C1orf87: variants seen among roughly 807,000 people sequenced by gnomAD.
C1orf87 encodes the protein uncharacterized protein C1orf87.
C1orf87 carries 58 observed loss-of-function variants against 60.5 expected under a neutral mutation model. That is an observed-to-expected ratio of 0.96 (90% CI 0.78 to 1.19). The LOEUF is 1.19. Ranked by LOEUF, C1orf87 falls within the 50% of genes most tolerant of loss-of-function variation. The probability of loss-of-function intolerance (pLI) is 0.00; values close to 1 mark genes in which losing one functional copy is unlikely to be tolerated. For missense variants in C1orf87, 673 were observed against 638.6 expected (o/e 1.05, Z -0.58); for synonymous variants, 236 against 227.4 (o/e 1.04, Z -0.34).
intron 3 of C1orf87, among the ~76,000 whole-genome samples, chr1:60,051,933 T>C (rs1190736601): frequency 6.6e-6 from 1 of 152,212 alleles, no homozygotes; most frequent in Non-Finnish European, 1.5e-5. Flanking sequence ...GACCATTCTG[T>C]GAGACACAGA....
intron 3 of C1orf87, among the ~76,000 whole-genome samples, chr1:60,052,330 C>G (rs1440923116): frequency 7.5e-6 from 1 of 132,632 alleles, no homozygotes; most frequent in Non-Finnish European, 1.7e-5. Flanking sequence ...ATGATATAAA[C>G]AATATGTATT....
chr1:60,033,958 GCAAT>G, intron 6 of C1orf87, among the ~76,000 whole-genome samples: 2 of 152,192 alleles, frequency 1.3e-5, no homozygotes, highest in South Asian at 4.1e-4. Context: ...CAAAAAATAA[GCAAT>G]CATAGTAGTT....
chr1:60,001,010 G>T, intron 10 of C1orf87, 67 bp downstream of exon 10: 1 of 1,282,840 alleles, frequency 7.8e-7, no homozygotes, highest in Non-Finnish European at 1.1e-6. Context: ...GCCCCATCCA[G>T]CATCAGAGAA....
intron 3 of C1orf87, among the ~76,000 whole-genome samples, chr1:60,052,156 T>A (rs981817730): frequency 1.3e-5 from 2 of 152,200 alleles, no homozygotes; most frequent in Non-Finnish European, 2.9e-5. Flanking sequence ...CCCAATAAAC[T>A]GTGATAATTA....
rs773116761 is a variant in C1orf87, at chr1:60,055,246, T to A, written c.300A>T (p.Lys100Asn). 20 of 1,614,008 alleles carry A rather than the reference T, an allele frequency of 1.2e-5. No homozygotes were observed. The African/African-American group carries it at 2.0e-4, about 16-fold the overall frequency. Reference protein sequence around the residue: ...ENNQKSENNQKLLTGANSSRF... With the variant: ...ENNQKSENNQNLLTGANSSRF... Reference sequence around the variant, plus strand: ...TGCTACTGTTTGCCCCTGTTAGTAGTTTCTGGTTGTTTTCTGATTTCTGGT... The same window carrying A: ...TGCTACTGTTTGCCCCTGTTAGTAGATTCTGGTTGTTTTCTGATTTCTGGT... The change falls in exon 3 of 12, where the codon AAA becomes AAT. Residue 100 changes from lysine (K) to asparagine (N), a missense_variant. Physicochemically the swap from Lys to Asn is moderately conservative, Grantham distance 94 (BLOSUM62 0). Coordinates refer to ENST00000371201, the MANE Select transcript of C1orf87 (RefSeq NM_152377.3).
chr1:60,000,930 A>G, intron 10 of C1orf87, 147 bp downstream of exon 10: 1 of 646,292 alleles, frequency 1.5e-6, no homozygotes, highest in Non-Finnish European at 2.6e-6. Context: ...TCTTTGCCCA[A>G]GGAGAGTCTT....
chr1:60,049,827 A>T (rs956109188), intron 3 of C1orf87, among the ~76,000 whole-genome samples: 8 of 152,130 alleles, frequency 5.3e-5, no homozygotes, highest in African/African-American at 1.9e-4. Context: ...ACTTCTCTAT[A>T]GCTATCCAAT....
intron 8 of C1orf87, among the ~76,000 whole-genome samples, chr1:60,013,542 G>A (rs1645103931): frequency 1.3e-5 from 2 of 151,930 alleles, no homozygotes; most frequent in African/African-American, 4.8e-5. Context: ...TTTCAGTAGA[G>A]GACATGGCTT....
At position 60,001,082 on chromosome 1, in the gene C1orf87, G is replaced by A. The variant is rs1354609348; in HGVS notation, c.1267C>T (p.His423Tyr). 1.9e-6 allele frequency: 3 copies of A among 1,607,822 alleles called. No individual in the cohort carries two copies. Among genetic ancestry groups the A allele is most frequent in the Non-Finnish European group, 2.6e-6 (3 of 1,176,216 alleles). ...TATATACCCCAGGTGCATACCATAT[G>A]TTCAGTTTTGCTTTGAGACATCTCG... ...VPEMSQSKTE[H>Y]MKTPEEELQP... The change falls in exon 10 of 12, where the codon CAT becomes TAT. Residue 423 changes from histidine (H) to tyrosine (Y), a missense_variant. Transcript: ENST00000371201.
chr1:60,057,795 A>C (rs1645467608), intron 2 of C1orf87, among the ~76,000 whole-genome samples: 1 of 152,172 alleles, frequency 6.6e-6, no homozygotes, highest in South Asian at 2.1e-4. Context: ...ATGGTTTGGG[A>C]CAGCTGCTAT....
At chr1:60,035,227 C>A (rs952978253) in intron 6 of C1orf87, among the ~76,000 whole-genome samples, 2 of 152,208 alleles carry the variant, frequency 1.3e-5, no homozygotes, top group East Asian at 3.8e-4. Flanking sequence ...ATCTCTGTTC[C>A]AGATCTGAAT....
intron 7 of C1orf87, 119 bp from the exon 8 acceptor site, chr1:60,025,617 G>T (rs1196044676): frequency 2.9e-5 from 22 of 748,504 alleles, no homozygotes; most frequent in Non-Finnish European, 3.7e-5. Flanking sequence ...TTTTGACAAA[G>T]AATTAATACC....
chr1:60,045,504 C>T (rs945075197), intron 3 of C1orf87, among the ~76,000 whole-genome samples: 2 of 152,164 alleles, frequency 1.3e-5, no homozygotes, highest in South Asian at 2.1e-4. Context: ...AAAACAGGCA[C>T]ATGTGGAGAT....
intron 3 of C1orf87, among the ~76,000 whole-genome samples, chr1:60,045,403 A>T (rs997861080): frequency 6.6e-6 from 1 of 152,218 alleles, no homozygotes; most frequent in African/African-American, 2.4e-5. Context: ...AATACAATAC[A>T]TATTGATATT....
At chr1:60,052,508 A>C (rs1418689800) in intron 3 of C1orf87, among the ~76,000 whole-genome samples, 2 of 152,154 alleles carry the variant, frequency 1.3e-5, no homozygotes, top group East Asian at 3.8e-4. Flanking sequence ...TATTTGTAAG[A>C]TATCTCACTG....
At chr1:60,041,650 G>C (rs894554977) in intron 3 of C1orf87, among the ~76,000 whole-genome samples, 1 of 152,090 alleles carries the variant, frequency 6.6e-6, no homozygotes, top group African/African-American at 2.4e-5. Flanking sequence ...CATGGAGCAT[G>C]GTATATTAAT....
chr1:60,064,906 TATA>T (rs1196555920), intron 2 of C1orf87, among the ~76,000 whole-genome samples: 6 of 88,920 alleles, frequency 6.7e-5, no homozygotes, highest in South Asian at 3.2e-4. Flanking sequence ...ATTCTAAATA[TATA>T]ATATTTTATA....
intron 2 of C1orf87, among the ~76,000 whole-genome samples, chr1:60,056,622 C>G (rs1291727778): frequency 6.6e-6 from 1 of 152,128 alleles, no homozygotes; most frequent in African/African-American, 2.4e-5. Context: ...TGTGCCTATT[C>G]CATGTAGCAA....
chr1:60,042,721 G>A (rs1276643136), intron 3 of C1orf87, among the ~76,000 whole-genome samples: 1 of 152,240 alleles, frequency 6.6e-6, no homozygotes, highest in Non-Finnish European at 1.5e-5. Flanking sequence ...AAGGCTTGCA[G>A]AAGTTAAATA....
Sources: gnomAD v4.1 joint callset for allele counts (sites outside exome capture counted in the v4.1 genomes callset) on GRCh38, gnomAD v4.1.1 for gene constraint, MANE v1.5 for transcripts, NCBI Gene and HGNC (gene_info 2026-07-23, HGNC 2026-07-21) for gene names.